PPM1F: variants seen among roughly 807,000 people sequenced by gnomAD.
The protein encoded by PPM1F is protein phosphatase, Mg2+/Mn2+ dependent 1F.
A neutral mutation model predicts 35.5 loss-of-function variants in PPM1F; 17 were observed. The observed-to-expected ratio is 0.48, with a 90% CI of 0.33 to 0.72. PPM1F has a LOEUF of 0.72. PPM1F is among the 30% of genes least tolerant of loss of function. The probability of loss-of-function intolerance (pLI) is 0.02; values close to 1 mark genes in which losing one functional copy is unlikely to be tolerated. For missense variants in PPM1F, 521 were observed against 613.0 expected (o/e 0.85, Z 1.59); for synonymous variants, 241 against 255.5 (o/e 0.94, Z 0.54).
At chr22:21,937,924 A>G (rs1056819540) in intron 3 of PPM1F, 33 of 404,184 alleles carry the variant, frequency 8.2e-5, no homozygotes, top group Non-Finnish European at 1.3e-4. Flanking sequence ...GGTTTCAGCC[A>G]CTCGCTGCTC....
chr22:21,942,245 G>A (rs901495316), intron 2 of PPM1F: 4 of 152,424 alleles, frequency 2.6e-5, no homozygotes, highest in African/African-American at 4.8e-5. Context: ...ATGGTCTGAG[G>A]AATCTACCGG....
chr22:21,928,784 G>C (rs2070551232), intron 6 of PPM1F, among the ~76,000 whole-genome samples: 1 of 152,130 alleles, frequency 6.6e-6, no homozygotes, highest in Non-Finnish European at 1.5e-5. Flanking sequence ...TTTCCTCCTG[G>C]TCTCTCCCCT....
At chr22:21,933,224 C>G (rs558314160) in intron 5 of PPM1F, among the ~76,000 whole-genome samples, 167 bp downstream of exon 5, 2 of 152,166 alleles carry the variant, frequency 1.3e-5, no homozygotes, top group Non-Finnish European at 2.9e-5. Flanking sequence ...TGTGCTGCTT[C>G]CGTTCAAGTG....
At chr22:21,943,058 G>T (rs528378391) in intron 2 of PPM1F, 1 of 152,256 alleles carries the variant, frequency 6.6e-6, no homozygotes, top group African/African-American at 2.4e-5. Flanking sequence ...AAACAAGAGC[G>T]GAGACAAGGC....
intron 6 of PPM1F, among the ~76,000 whole-genome samples, chr22:21,928,253 C>T (rs1338056669): frequency 6.6e-6 from 1 of 152,172 alleles, no homozygotes; most frequent in East Asian, 1.9e-4. Flanking sequence ...CAGGCCGCAG[C>T]AGCGTCGCCT....
At chr22:21,943,366 C>G (rs998258465) in intron 2 of PPM1F, 1 of 152,142 alleles carries the variant, frequency 6.6e-6, no homozygotes, top group African/African-American at 2.4e-5. Flanking sequence ...AAAGAAGATG[C>G]TAGAAAAGAA....
intron 6 of PPM1F, 76 bp downstream of exon 6, chr22:21,931,072 T>G: frequency 1.9e-6 from 3 of 1,574,666 alleles, no homozygotes; most frequent in Non-Finnish European, 2.6e-6. Flanking sequence ...GTTCCCAGGC[T>G]GGGTGGGGTT....
chr22:21,926,354 G>A (rs1186883113), intron 6 of PPM1F, among the ~76,000 whole-genome samples: 7 of 151,874 alleles, frequency 4.6e-5, no homozygotes, highest in East Asian at 1.9e-4. Context: ...GACTGGTCTC[G>A]ATCTCCTGAC....
intron 2 of PPM1F, chr22:21,945,628 A>G (rs2070768909): frequency 1.5e-5 from 8 of 545,716 alleles, no homozygotes; most frequent in East Asian, 9.9e-5. Context: ...TCTGGCCTCC[A>G]GCCCTGTGAA....
Position 21,925,478 on chromosome 22 carries a change from TC to T in PPM1F, c.985+90del, listed in dbSNP as rs758283955. 8.4e-6 allele frequency: 9 copies of T among 1,072,522 alleles called. No homozygotes were observed. The East Asian group carries it at 2.3e-4, about 27-fold the overall frequency. 66.4% of individuals were successfully genotyped at this position (1,072,522 alleles called of 1,614,324 possible). On this transcript the variant is annotated intron_variant, in intron 7 of 7. Transcript: ENST00000263212. The stretch of plus-strand genomic sequence containing the variant: ...ATCCCCCTCGGCCCATCACACTGCC[TC>T]CCTGAACCCCTGGTGAGCCGCGGGC...
At position 21,941,090 on chromosome 22, in the gene PPM1F, T is replaced by G. The variant is rs2070720455; in HGVS notation, c.207-1410A>C. 2.0e-5 allele frequency: 3 copies of G among 152,234 alleles called. No homozygotes were observed. In the South Asian group the frequency reaches 6.2e-4, roughly 31 times the overall value. The allele number at this position is 152,234 out of a possible 1,614,324, so 9.4% of individuals were successfully genotyped here. ...CACCATGTCCAGCTAATCTGTAAAT[T>G]TTTTTGTACAGGTGGGGTTTTGCTA... On this transcript the variant is annotated intron_variant, in intron 2 of 7. Transcript: ENST00000263212.
chr22:21,938,097 A>T, intron 3 of PPM1F: 1 of 1,291,920 alleles, frequency 7.7e-7, no homozygotes, highest in Non-Finnish European at 1.0e-6. Flanking sequence ...CGGGGAAGCA[A>T]GGGCAGGCGA....
At chr22:21,938,310 C>T in intron 3 of PPM1F, 2 of 1,224,464 alleles carry the variant, frequency 1.6e-6, no homozygotes, top group South Asian at 2.8e-5. Flanking sequence ...GGAGGAGCAG[C>T]AGCTGCCACC....
intron 3 of PPM1F, chr22:21,938,181 G>A: frequency 7.7e-7 from 1 of 1,303,348 alleles, no homozygotes; most frequent in Non-Finnish European, 1.0e-6. Context: ...GGCTGGTGCC[G>A]GCGCAGCAAC....
chr22:21,945,030 C>T (rs879409040), intron 2 of PPM1F: 1 of 152,330 alleles, frequency 6.6e-6, no homozygotes, highest in African/African-American at 2.4e-5. Flanking sequence ...GCCTCTTCAT[C>T]TACCCACCTC....
chr22:21,932,707 C>T (rs1311229561), intron 5 of PPM1F: 1 of 152,256 alleles, frequency 6.6e-6, no homozygotes, highest in African/African-American at 2.4e-5. Context: ...TGCCTCATCC[C>T]TGCACATGGC....
intron 2 of PPM1F, chr22:21,945,607 T>G: frequency 5.7e-6 from 3 of 522,218 alleles, no homozygotes. Flanking sequence ...GCTGCCACCT[T>G]GATCTTGGAC....
intron 6 of PPM1F, among the ~76,000 whole-genome samples, chr22:21,929,052 G>A (rs1024155371): frequency 6.6e-6 from 1 of 152,162 alleles, no homozygotes; most frequent in South Asian, 2.1e-4. Flanking sequence ...CTCCCCCCAC[G>A]TACTCCTGGA....
Position 21,931,259 on chromosome 22 carries a change from C to T in PPM1F, c.780G>A (p.Ala260=), listed in dbSNP as rs772810530. ...CGTGCAGGGTCGCTCCTGCAATGAG[C>T]GCACACACACCTGTGGTGCCGCTCT... ...RLQSGTTGVC[A]LIAGATLHVA... is the part of the protein sequence containing the mutation. Residue 260 remains alanine (A), a synonymous_variant, in exon 6 of 8, where the codon GCG becomes GCA. Coordinates refer to ENST00000263212, the MANE Select transcript of PPM1F (RefSeq NM_014634.4). 115 of 1,612,838 alleles carry T rather than the reference C, an allele frequency of 7.1e-5. No homozygotes were observed. The highest frequency in any genetic ancestry group is 1.1e-4 in the South Asian group (10 of 91,030).
Sources: gnomAD v4.1 joint callset for allele counts (sites outside exome capture counted in the v4.1 genomes callset) on GRCh38, gnomAD v4.1.1 for gene constraint, MANE v1.5 for transcripts, NCBI Gene and HGNC (gene_info 2026-07-23, HGNC 2026-07-21) for gene names.